TASP1: variants seen among roughly 807,000 people sequenced by gnomAD.
TASP1 encodes taspase 1.
In TASP1, 16 loss-of-function variants were observed where a neutral mutation model predicts 56.6. The ratio of observed to expected loss-of-function variants is 0.28; its 90% CI spans 0.19 to 0.43. The LOEUF is 0.43. Among genes scored for constraint, TASP1 ranks in the 20% least tolerant of loss-of-function variants. The pLI, the probability that TASP1 is intolerant of heterozygous loss-of-function variation, is 1.00. For missense variants in TASP1, 393 were observed against 511.6 expected (o/e 0.77, Z 2.24); for synonymous variants, 179 against 184.2 (o/e 0.97, Z 0.23).
At chr20:13,363,190 C>T in the TASP1 span, among the ~76,000 whole-genome samples, 1 of 152,010 alleles carries the variant, frequency 6.6e-6, no homozygotes, top group African/African-American at 2.4e-5. Context: ...GGGGTGGTCA[C>T]CAGAAAGACC....
At chr20:13,579,464 G>T (rs1201182972) in intron 6 of TASP1, among the ~76,000 whole-genome samples, 1 of 152,048 alleles carries the variant, frequency 6.6e-6, no homozygotes, top group Non-Finnish European at 1.5e-5. Context: ...CGCCTCCTGG[G>T]TTCACACCAT....
At chr20:13,109,666 A>C in the TASP1 span, among the ~76,000 whole-genome samples, 1 of 152,248 alleles carries the variant, frequency 6.6e-6, no homozygotes, top group African/African-American at 2.4e-5. Context: ...TCAGAAATCA[A>C]GGCTCAAAGT....
At chr20:13,553,780 T>C (rs1325169736) in intron 8 of TASP1, among the ~76,000 whole-genome samples, 1 of 152,124 alleles carries the variant, frequency 6.6e-6, no homozygotes, top group Non-Finnish European at 1.5e-5. Context: ...TAAAAACTTA[T>C]CTCCATTAAT....
intron 10 of TASP1, among the ~76,000 whole-genome samples, chr20:13,503,617 CA>C (rs1442137353): frequency 4.7e-5 from 7 of 149,294 alleles, no homozygotes; most frequent in South Asian, 4.2e-4. Flanking sequence ...ATTAATTGAT[CA>C]AAAAAATGGA....
intron 8 of TASP1, among the ~76,000 whole-genome samples, chr20:13,543,667 T>C (rs998934390): frequency 6.6e-6 from 1 of 152,192 alleles, no homozygotes; most frequent in African/African-American, 2.4e-5. Context: ...CAACCTCTAA[T>C]ACACACATTT....
the TASP1 span, among the ~76,000 whole-genome samples, chr20:13,136,606 T>TATAG: frequency 7.3e-6 from 1 of 136,588 alleles, no homozygotes. Context: ...TCTAAAAACA[T>TATAG]ATATATATAT....
intron 1 of TASP1, among the ~76,000 whole-genome samples, chr20:13,633,467 TA>T (rs2049173737): frequency 6.6e-6 from 1 of 152,126 alleles, no homozygotes; most frequent in Non-Finnish European, 1.5e-5. Flanking sequence ...GAATACTAGG[TA>T]ATGAGCTAAG....
the TASP1 span, among the ~76,000 whole-genome samples, chr20:13,261,425 CAAAAAAA>C: frequency 2.7e-4 from 28 of 105,280 alleles, no homozygotes; most frequent in South Asian, 3.9e-3. Flanking sequence ...AACTCTGTCT[CAAAAAAA>C]AAAAAAAGAA....
chr20:13,584,783 A>G (rs1432357676), intron 5 of TASP1, among the ~76,000 whole-genome samples: 1 of 152,210 alleles, frequency 6.6e-6, no homozygotes, highest in Non-Finnish European at 1.5e-5. Flanking sequence ...GCTAACTAAA[A>G]TGTCTTCAGG....
intron 8 of TASP1, among the ~76,000 whole-genome samples, chr20:13,538,017 T>C (rs1348364482): frequency 6.6e-6 from 1 of 151,892 alleles, no homozygotes; most frequent in Non-Finnish European, 1.5e-5. Context: ...TTTTTTTTTT[T>C]TTGAGACAGA....
chr20:13,471,792 G>A (rs2044504332), intron 11 of TASP1, among the ~76,000 whole-genome samples: 2 of 152,138 alleles, frequency 1.3e-5, no homozygotes, highest in African/African-American at 4.8e-5. Context: ...TTCCAACTGA[G>A]GAACCTGGTT....
At chr20:13,590,603 C>T (rs1377707535) in intron 4 of TASP1, among the ~76,000 whole-genome samples, 1 of 152,134 alleles carries the variant, frequency 6.6e-6, no homozygotes, top group Admixed American at 6.5e-5. Context: ...CACAGCAGCT[C>T]ACACCTGTAA....
At position 13,584,861 on chromosome 20, in the gene TASP1, T is replaced by C. The variant is rs1287179224; in HGVS notation, c.403+2389A>G. Among the ~76,000 whole-genome samples the C allele has an allele frequency of 4.6e-5, 7 of 152,130 alleles. No homozygotes were observed. The East Asian group carries it at 1.3e-3, about 29-fold the overall frequency. ...AAAAACGCACATGAAAAATAAAATA[T>C]AATCATATAAATGTTAAAAATATTG... is the stretch of plus-strand genomic sequence containing the variant. On this transcript the variant is annotated intron_variant, in intron 5 of 13. Coordinates refer to ENST00000337743, the MANE Select transcript of TASP1 (RefSeq NM_017714.3).
In TASP1 at chr20:13,570,556, T is replaced by A. The variant is rs150823277; in HGVS notation, c.489-970A>T. ...ATCTAAGTAGACCCTCAGAAACATA[T>A]CCAAATGGTTCCAATGGGAAACCAA... On this transcript the variant is annotated intron_variant, in intron 6 of 13. Coordinates refer to ENST00000337743, the MANE Select transcript of TASP1 (RefSeq NM_017714.3). Among the ~76,000 whole-genome samples the A allele has an allele frequency of 2.0e-5, 3 of 152,124 alleles. No individual in the cohort carries two copies. In the East Asian group the frequency reaches 5.8e-4, roughly 29 times the overall value.
the TASP1 span, among the ~76,000 whole-genome samples, chr20:13,347,911 C>T: frequency 6.6e-6 from 1 of 151,812 alleles, no homozygotes; most frequent in Non-Finnish European, 1.5e-5. Context: ...AGTTAGACTC[C>T]TGGAGGGGAA....
At chr20:13,570,418 AT>A (rs1435926348) in intron 6 of TASP1, among the ~76,000 whole-genome samples, 1 of 151,932 alleles carries the variant, frequency 6.6e-6, no homozygotes, top group Non-Finnish European at 1.5e-5. Flanking sequence ...TCCACTCCCT[AT>A]TTTTTTGTTT....
At chr20:13,272,549 G>A in the TASP1 span, among the ~76,000 whole-genome samples, 79 of 152,282 alleles carry the variant, frequency 5.2e-4, no homozygotes, top group African/African-American at 1.5e-3. Flanking sequence ...GAAAGAAGTC[G>A]GACAGGCTCT....
At chr20:13,156,326 CA>C in the TASP1 span, among the ~76,000 whole-genome samples, 1 of 152,090 alleles carries the variant, frequency 6.6e-6, no homozygotes. Flanking sequence ...AAAAATGAAC[CA>C]ACCCAATGAG....
the TASP1 span, among the ~76,000 whole-genome samples, chr20:13,128,368 A>G: frequency 6.6e-6 from 1 of 151,558 alleles, no homozygotes; most frequent in East Asian, 2.0e-4. Flanking sequence ...GTGGCTTAAC[A>G]GAACCAAGGT....
Sources: allele counts gnomAD v4.1 joint callset (sites outside exome capture counted in the v4.1 genomes callset), GRCh38; gene constraint gnomAD v4.1.1; transcripts MANE v1.5; gene names NCBI Gene and HGNC (gene_info 2026-07-23, HGNC 2026-07-21).